Variants in DNAH10 observed in about 807,000 individuals in gnomAD.
DNAH10 encodes dynein axonemal heavy chain 10.
Under a neutral mutation model 506.6 loss-of-function variants are expected in DNAH10, and 348 were observed. That is an observed-to-expected ratio of 0.69 (90% CI 0.63 to 0.75). The LOEUF (loss-of-function observed/expected upper bound fraction) is 0.75, where lower values mean the gene tolerates loss of function less well. DNAH10 is among the 30% of genes least tolerant of loss of function. The probability of loss-of-function intolerance (pLI) is 0.00; values close to 1 mark genes in which losing one functional copy is unlikely to be tolerated. For synonymous variants in DNAH10, 2,059 were observed against 2,198.6 expected (o/e 0.94, Z 1.78); for missense variants, 5,179 against 5,787.1 (o/e 0.89, Z 3.41).
At chr12:123,782,138 C>T (rs1180722678) in intron 6 of DNAH10, among the ~76,000 whole-genome samples, 2 of 152,032 alleles carry the variant, frequency 1.3e-5, no homozygotes, top group African/African-American at 2.4e-5. Flanking sequence ...TGTTCTTCAA[C>T]TTCTATGTTA....
In DNAH10 at chr12:123,903,090, C is replaced by G; in HGVS notation, c.9792C>G (p.Asp3264Glu). ...EAAKLELQKL[D>E]KSDVTEIRSF... is the part of the protein sequence containing the mutation. ...CCAAGCTGGAACTGCAGAAGCTGGA[C>G]AAGTCGGACGTGACTGAGATTAGGT... The change falls in exon 57 of 79, where the codon GAC becomes GAG. Residue 3264 changes from aspartate (D) to glutamate (E), a missense_variant. This residue lies in a region of DNAH10 where 4,844 missense variants were observed against 5,430.5 expected (regional missense o/e 0.89). Transcript: ENST00000673944. The surrounding 1 kb of genome is among the most constrained non-coding windows in gnomAD (Gnocchi z 4.6). The G allele has an allele frequency of 6.2e-7, 1 of 1,611,614 alleles. No homozygotes were observed. Among genetic ancestry groups the G allele is most frequent in the Non-Finnish European group, 8.5e-7 (1 of 1,178,954 alleles).
At chr12:123,898,627 T>G in intron 55 of DNAH10, 26 bp from the exon 56 acceptor site, 1 of 1,485,448 alleles carries the variant, frequency 6.7e-7, no homozygotes. Context: ...ACCTCGACGA[T>G]GAACATAGGT....
chr12:123,802,393 C>T (rs935972594), intron 16 of DNAH10, among the ~76,000 whole-genome samples: 2 of 152,168 alleles, frequency 1.3e-5, no homozygotes, highest in Admixed American at 1.3e-4. Flanking sequence ...GCAATCTCCA[C>T]CTCCTGGGTT....
At chr12:123,799,397 G>A (rs888942242) in intron 14 of DNAH10, 26 bp downstream of exon 14, 11 of 1,601,368 alleles carry the variant, frequency 6.9e-6, no homozygotes, top group East Asian at 2.2e-5. Flanking sequence ...CCTCATTCCC[G>A]ATTGCCGCGT....
At chr12:123,912,527 C>T (rs1181685233) in intron 59 of DNAH10, among the ~76,000 whole-genome samples, 1 of 150,812 alleles carries the variant, frequency 6.6e-6, no homozygotes, top group African/African-American at 2.4e-5. Context: ...GGATGTTTAG[C>T]AGCATCTTCA....
intron 19 of DNAH10, among the ~76,000 whole-genome samples, chr12:123,811,321 T>C (rs1958922288): frequency 6.6e-6 from 1 of 151,196 alleles, no homozygotes; most frequent in Non-Finnish European, 1.5e-5. Flanking sequence ...TTAGTATTAG[T>C]ATTACTTTTT....
At chr12:123,809,119 C>T (rs905033963) in intron 19 of DNAH10, among the ~76,000 whole-genome samples, 166 bp downstream of exon 19, 1 of 152,150 alleles carries the variant, frequency 6.6e-6, no homozygotes, top group Non-Finnish European at 1.5e-5. Context: ...GGAAATGGCA[C>T]CAACATCAAA....
Position 123,931,789 on chromosome 12 carries a change from T to TG in DNAH10, c.13072dup (p.Glu4358GlyfsTer16). 1 of 1,614,036 alleles carries TG rather than the reference T, an allele frequency of 6.2e-7. No individual in the cohort carries two copies. The highest frequency in any genetic ancestry group is 8.5e-7 in the Non-Finnish European group (1 of 1,179,900). The stretch of plus-strand genomic sequence containing the variant: ...ACTTCGGTGGTGCTCCTGCAGGAAC[T>TG]GGAACGCTTCAACAAGCTTGTGGTC... On this transcript the variant is annotated frameshift_variant, in exon 75 of 79. Transcript: ENST00000673944. LOFTEE classifies it high-confidence loss of function.
chr12:123,923,968 A>G, intron 66 of DNAH10, 101 bp downstream of exon 66: 1 of 941,252 alleles, frequency 1.1e-6, no homozygotes. Flanking sequence ...AATTCTCCTT[A>G]AAACTTGGCT....
At position 123,783,174 on chromosome 12, in the gene DNAH10, G is replaced by C. The variant is rs761928291; in HGVS notation, c.909G>C (p.Pro303=). 2.5e-6 allele frequency: 4 copies of C among 1,614,150 alleles called. No homozygotes were observed. In the Admixed American group the frequency reaches 6.7e-5, roughly 27 times the overall value. ...EGEVSDLAAD[P]ETVDILEQCV... ...AGGTGTCTGACCTGGCAGCTGACCC[G>C]GAAACCGTTGACATCTTGGAGCAGT... Residue 303 remains proline, a synonymous_variant, in exon 7 of 79, where the codon CCG becomes CCC. Transcript: ENST00000673944.
chr12:123,796,140 T>C (rs1594047287), intron 12 of DNAH10, among the ~76,000 whole-genome samples: 1 of 152,252 alleles, frequency 6.6e-6, no homozygotes, highest in East Asian at 1.9e-4. Context: ...TAAGGCAATT[T>C]GGAGCATTGC....
chr12:123,764,880 T>C (rs1242162974), intron 1 of DNAH10, among the ~76,000 whole-genome samples: 1 of 152,130 alleles, frequency 6.6e-6, no homozygotes, highest in Non-Finnish European at 1.5e-5. Flanking sequence ...CCAGATGGCG[T>C]CGGGTGTTGG....
chr12:123,860,918 G>A, intron 38 of DNAH10, 94 bp from the exon 39 acceptor site: 1 of 1,561,070 alleles, frequency 6.4e-7, no homozygotes, highest in Non-Finnish European at 8.8e-7. Flanking sequence ...TTGGATTAAA[G>A]TCAAAACATC....
intron 48 of DNAH10, 38 bp downstream of exon 48, chr12:123,877,946 G>T: frequency 6.3e-7 from 1 of 1,591,698 alleles, no homozygotes; most frequent in Non-Finnish European, 8.5e-7. Flanking sequence ...TGCCCCACAG[G>T]TATGATAGTT....
intron 77 of DNAH10, chr12:123,933,993 T>C: frequency 4.1e-6 from 2 of 484,366 alleles, no homozygotes; most frequent in Non-Finnish European, 7.3e-6. Context: ...CCCGGGTCCA[T>C]GTTGTCTTAG....
At position 123,853,884 on chromosome 12, in the gene DNAH10, G is replaced by A. The variant is rs978573581; in HGVS notation, c.6438+532G>A. 4.1e-5 allele frequency among the ~76,000 whole-genome samples: 6 copies of A among 147,936 alleles called. No individual in the cohort carries two copies. The South Asian group carries it at 8.7e-4, about 21-fold the overall frequency. On this transcript the variant is annotated intron_variant, in intron 36 of 78. Coordinates refer to ENST00000673944, the MANE Select transcript of DNAH10 (RefSeq NM_001372106.1). This position sits in a 1 kb window ranked among gnomAD's most constrained non-coding sequence, Gnocchi z 4.7. Reference sequence around the variant, plus strand: ...CGCACACACACACGGATACATGCACGCGCACACACGTACGCACGCACATGT... The same window carrying A: ...CGCACACACACACGGATACATGCACACGCACACACGTACGCACGCACATGT...
intron 12 of DNAH10, among the ~76,000 whole-genome samples, chr12:123,795,021 G>A (rs557969935): frequency 9.9e-5 from 15 of 151,456 alleles, no homozygotes; most frequent in African/African-American, 2.7e-4. Context: ...TGGTGGTGGT[G>A]TCTGTAATCC....
At chr12:123,801,195 G>C in intron 15 of DNAH10, 86 bp from the exon 16 acceptor site, 2 of 1,417,082 alleles carry the variant, frequency 1.4e-6, no homozygotes, top group South Asian at 3.1e-5. Context: ...TTGAGACCAC[G>C]GTCTTTTGTA....
chr12:123,838,665 C>T lies in DNAH10; in HGVS notation c.5112C>T (p.Leu1704=). The change falls in exon 29 of 79, where the codon CTC becomes CTT. Residue 1704 remains leucine, a synonymous_variant. Coordinates refer to ENST00000673944, the MANE Select transcript of DNAH10 (RefSeq NM_001372106.1). The part of the protein sequence containing the change: ...LLSILGSSDP[L]CVQEHMIKMY... Reference sequence around the variant, plus strand: ...GCATTCTGGGGAGCAGCGACCCACTCTGCGTCCAGGAGCACATGATCAAGG... The same window carrying T: ...GCATTCTGGGGAGCAGCGACCCACTTTGCGTCCAGGAGCACATGATCAAGG... 6.2e-7 allele frequency: 1 copy of T among 1,613,904 alleles called. No homozygotes were observed.
Sources: gnomAD v4.1 joint callset for allele counts (sites outside exome capture counted in the v4.1 genomes callset) on GRCh38, gnomAD v4.1.1 for gene constraint, gnomAD v4.1.1 regional missense constraint, Gnocchi (gnomAD v3.1) non-coding constraint, MANE v1.5 for transcripts, NCBI Gene and HGNC (gene_info 2026-07-23, HGNC 2026-07-21) for gene names.